Variants in SYMPK observed in about 807,000 individuals in gnomAD.
The protein encoded by SYMPK is symplekin.
A neutral mutation model predicts 136.4 loss-of-function variants in SYMPK; 49 were observed. That is an observed-to-expected ratio of 0.36 (90% CI 0.29 to 0.46). The LOEUF is 0.46. Among genes scored for constraint, SYMPK ranks in the 20% least tolerant of loss-of-function variants. SYMPK has a pLI of 1.00. For synonymous variants in SYMPK, 766 were observed against 713.0 expected, an observed-to-expected ratio of 1.07 and a Z score of -1.19; for missense variants, 1,365 against 1,690.0, an observed-to-expected ratio of 0.81 and a Z score of 3.37.
intron 21 of SYMPK, 35 bp downstream of exon 21, chr19:45,822,721 G>A (rs368395038): frequency 2.5e-6 from 4 of 1,588,212 alleles, no homozygotes; most frequent in Non-Finnish European, 3.5e-6. Flanking sequence ...TGGGGTGGGT[G>A]GGCCTCTTGG....
chr19:45,854,568 G>A lies in SYMPK; in HGVS notation c.-12-61C>T, dbSNP rs544441829. 66 of 1,412,990 alleles carry A rather than the reference G, an allele frequency of 4.7e-5. No homozygotes were observed. In the African/African-American group the frequency reaches 5.3e-4, roughly 11 times the overall value. 87.5% of individuals were successfully genotyped at this position (1,412,990 alleles called of 1,614,324 possible). On this transcript the variant is annotated intron_variant, in intron 1 of 26. Transcript: ENST00000245934. ...AGGGAACCAGCGGATGGGCTGGGCTGGATTGTCACCCGAACACCTACAAAG... is the reference window on the plus strand; with the variant it reads ...AGGGAACCAGCGGATGGGCTGGGCTAGATTGTCACCCGAACACCTACAAAG...
At chr19:45,816,366 G>A in intron 25 of SYMPK, 116 bp downstream of exon 25, 1 of 1,392,772 alleles carries the variant, frequency 7.2e-7, no homozygotes, top group Non-Finnish European at 9.5e-7. Flanking sequence ...GGGTGGCCCA[G>A]AGGCAGGGGT....
chr19:45,831,731 T>A, intron 11 of SYMPK, 143 bp from the exon 12 acceptor site: 1 of 525,560 alleles, frequency 1.9e-6, no homozygotes, highest in Non-Finnish European at 3.1e-6. Flanking sequence ...CTGGAGTGGG[T>A]ACTCTTTTTA....
chr19:45,855,523 T>C (rs1971802782), intron 1 of SYMPK: 1 of 151,514 alleles, frequency 6.6e-6, no homozygotes, highest in African/African-American at 2.4e-5. Flanking sequence ...CCTGTGAAAG[T>C]AAGTGAAAAA....
rs531126282 is a variant in SYMPK, at chr19:45,825,433, G to A, written c.2330-102C>T. ...TTGGGCAGTGGAGCCGGGGAGGGCA[G>A]AGAAGGGAGCCGGGGCTGGGGAGCT... On this transcript the variant is annotated intron_variant, in intron 17 of 26. Transcript: ENST00000245934. 4.9e-6 allele frequency: 7 copies of A among 1,414,874 alleles called. No homozygotes were observed. The South Asian group carries it at 7.0e-5, about 14-fold the overall frequency. The allele number at this position is 1,414,874 out of a possible 1,614,324, so 87.6% of individuals were successfully genotyped here.
intron 5 of SYMPK, 116 bp from the exon 6 acceptor site, chr19:45,848,992 C>T: frequency 7.9e-7 from 1 of 1,261,634 alleles, no homozygotes; most frequent in African/African-American, 1.5e-5. Flanking sequence ...ACCGGAATGG[C>T]ACATCCAGAA....
intron 9 of SYMPK, among the ~76,000 whole-genome samples, chr19:45,840,207 C>T (rs944942058): frequency 1.4e-4 from 21 of 147,626 alleles, no homozygotes; most frequent in Admixed American, 1.2e-3. Context: ...CCCAGCTACT[C>T]GGGAGGCTGA....
Position 45,854,402 on chromosome 19 carries a change from T to A in SYMPK, c.94A>T (p.Thr32Ser), listed in dbSNP as rs1207420878. The A allele has an allele frequency of 6.2e-7, 1 of 1,614,004 alleles. No homozygotes were observed. The highest frequency in any genetic ancestry group is 1.3e-5 in the African/African-American group (1 of 74,934). ...EEGPGIDGMT[T>S]SERVVDLLNQ... ...CCCGCCACGCTCACCCTCTCTGAGG[T>A]GGTCATGCCATCGATGCCCGGCCCC... The change falls in exon 2 of 27, where the codon ACC (threonine) becomes TCC (serine). Residue 32 changes from threonine to serine, a missense_variant. Around this residue, in one of 11 missense-constraint regions of SYMPK, gnomAD observed 61 missense variants for 80.7 expected, o/e 0.76. Coordinates refer to ENST00000245934, the MANE Select transcript of SYMPK (RefSeq NM_004819.3).
intron 1 of SYMPK, among the ~76,000 whole-genome samples, chr19:45,861,646 C>T (rs535105375): frequency 1.3e-5 from 2 of 151,050 alleles, no homozygotes; most frequent in African/African-American, 2.4e-5. Flanking sequence ...CTGAGGCAGG[C>T]GAATTGCTTG....
At chr19:45,861,526 G>C (rs972810166) in intron 1 of SYMPK, among the ~76,000 whole-genome samples, 1 of 152,122 alleles carries the variant, frequency 6.6e-6, no homozygotes, top group Non-Finnish European at 1.5e-5. Flanking sequence ...GGATCACGAG[G>C]TCAGGAGTTC....
chr19:45,853,520 C>G (rs992856003), intron 3 of SYMPK, among the ~76,000 whole-genome samples: 1 of 151,950 alleles, frequency 6.6e-6, no homozygotes, highest in Non-Finnish European at 1.5e-5. Context: ...TGCCTGTAAT[C>G]TCAGCTACTC....
chr19:45,841,294 C>T (rs552582622), intron 9 of SYMPK, among the ~76,000 whole-genome samples: 22 of 145,860 alleles, frequency 1.5e-4, no homozygotes, highest in Admixed American at 3.4e-4. Flanking sequence ...ATTCCCCCCC[C>T]ACCTTTTTTT....
intron 9 of SYMPK, among the ~76,000 whole-genome samples, chr19:45,839,790 C>T (rs901027071): frequency 6.6e-6 from 1 of 151,598 alleles, no homozygotes; most frequent in Non-Finnish European, 1.5e-5. Flanking sequence ...CAAGATTGCA[C>T]CACTGCACTC....
Position 45,830,163 on chromosome 19 carries a change from C to T in SYMPK, c.1640G>A (p.Ser547Asn), listed in dbSNP as rs775445488. ...AGGRKKIFRLSDVLKPLTDAQ... is the reference protein window; with the variant it reads ...AGGRKKIFRLNDVLKPLTDAQ... ...ATCGGTAAGGGGCTTCAGCACGTCG[C>T]TGAGACGGAAAATTTTCTTGCGCCC... Residue 547 changes from serine to asparagine, a missense_variant, in exon 13 of 27, where the codon AGC becomes AAC. Physicochemically the swap from Ser to Asn is conservative, Grantham distance 46. This residue lies in a region of SYMPK where 303 missense variants were observed against 326.6 expected (regional missense o/e 0.93). Coordinates refer to ENST00000245934, the MANE Select transcript of SYMPK (RefSeq NM_004819.3). The T allele has an allele frequency of 1.2e-6, 2 of 1,608,794 alleles. No homozygotes were observed. Among genetic ancestry groups the T allele is most frequent in the Admixed American group, 1.7e-5 (1 of 59,608 alleles).
chr19:45,831,687 C>CA (rs1971178984), intron 11 of SYMPK, 99 bp from the exon 12 acceptor site: 2 of 999,276 alleles, frequency 2.0e-6, no homozygotes, highest in Non-Finnish European at 2.8e-6. Flanking sequence ...GCCCTGTACA[C>CA]ACAAAACCTC....
intron 13 of SYMPK, 61 bp downstream of exon 13, chr19:45,829,991 ATG>A: frequency 6.7e-7 from 1 of 1,494,844 alleles, no homozygotes; most frequent in East Asian, 2.5e-5. Flanking sequence ...TCTTCGCTGG[ATG>A]TGAGGTAGAC....
Position 45,823,889 on chromosome 19 carries a change from C to G in SYMPK, c.2491-14G>C. The G allele has an allele frequency of 1.2e-6, 2 of 1,608,352 alleles. No homozygotes were observed. The highest frequency in any genetic ancestry group is 1.7e-6 in the Non-Finnish European group (2 of 1,175,488). The stretch of plus-strand genomic sequence containing the variant: ...CATTCCTCGGATCTAGAGGCAGAGA[C>G]AGGGATGACCAGACCCAGGGTGAGA... On this transcript the variant is annotated splice_polypyrimidine_tract_variant and intron_variant, in intron 18 of 26. Transcript: ENST00000245934.
chr19:45,839,508 G>T (rs1229245929), intron 9 of SYMPK, among the ~76,000 whole-genome samples: 1 of 152,200 alleles, frequency 6.6e-6, no homozygotes, highest in African/African-American at 2.4e-5. Flanking sequence ...TTTGGAGCCA[G>T]TATAGAATAA....
chr19:45,828,460 G>A (rs912148791), intron 14 of SYMPK: 2 of 178,204 alleles, frequency 1.1e-5, no homozygotes, highest in Admixed American at 5.5e-5. Context: ...TCACAGTAAG[G>A]AGGCTGTGTT....
Sources: gnomAD v4.1 joint callset for allele counts (sites outside exome capture counted in the v4.1 genomes callset) on GRCh38, gnomAD v4.1.1 for gene constraint, gnomAD v4.1.1 regional missense constraint, MANE v1.5 for transcripts, NCBI Gene and HGNC (gene_info 2026-07-23, HGNC 2026-07-21) for gene names.